The following PDZD2 variants were observed in gnomAD, a reference collection of about 807,000 sequenced individuals.
PDZD2 encodes PDZ domain-containing protein 2.
A neutral mutation model predicts 220.7 loss-of-function variants in PDZD2; 90 were observed. The observed-to-expected ratio is 0.41, with a 90% CI of 0.34 to 0.49. The LOEUF (loss-of-function observed/expected upper bound fraction) is 0.49, where lower values mean the gene tolerates loss of function less well. Ranked by LOEUF, PDZD2 falls within the 20% of genes least tolerant of loss-of-function variation. The pLI is 0.28. For missense variants in PDZD2, 3,174 were observed against 3,608.5 expected, an observed-to-expected ratio of 0.88 and a Z score of 3.08; for synonymous variants, 1,375 against 1,450.5, an observed-to-expected ratio of 0.95 and a Z score of 1.18.
intron 2 of PDZD2, among the ~76,000 whole-genome samples, chr5:31,930,388 A>G (rs1745171456): frequency 6.6e-6 from 1 of 151,464 alleles, no homozygotes; most frequent in Non-Finnish European, 1.5e-5. Context: ...GTAGAGTTTC[A>G]TGGGGTTTCA....
At chr5:32,028,687 T>TTTTTTTTTTTTTG (rs1754881283) in intron 6 of PDZD2, among the ~76,000 whole-genome samples, 1 of 138,698 alleles carries the variant, frequency 7.2e-6, no homozygotes. Flanking sequence ...TTTTTTTGTT[T>TTTTTTTTTTTTTG]TTTTTTTTTT....
intron 2 of PDZD2, among the ~76,000 whole-genome samples, chr5:31,869,476 T>C: frequency 6.6e-6 from 1 of 151,336 alleles, no homozygotes; most frequent in East Asian, 1.9e-4. Context: ...GGCAGGAGAA[T>C]GGCCGTGAAC....
intron 10 of PDZD2, among the ~76,000 whole-genome samples, chr5:32,056,778 C>A (rs1739122759): frequency 6.6e-6 from 1 of 152,088 alleles, no homozygotes; most frequent in Non-Finnish European, 1.5e-5. Flanking sequence ...TGACAGAGAA[C>A]CTGGAACTGC....
chr5:31,946,255 G>C (rs911849221), intron 2 of PDZD2, among the ~76,000 whole-genome samples: 3 of 152,160 alleles, frequency 2.0e-5, no homozygotes, highest in African/African-American at 7.2e-5. Flanking sequence ...TGCCTGCCTC[G>C]GCCTCCCAAA....
chr5:31,660,826 A>C (rs1745731923), intron 1 of PDZD2, among the ~76,000 whole-genome samples: 1 of 152,200 alleles, frequency 6.6e-6, no homozygotes, highest in Admixed American at 6.5e-5. Context: ...GAGCTCAAGC[A>C]GTCCTCCCCC....
chr5:31,899,573 G>A (rs1005915035), intron 2 of PDZD2, among the ~76,000 whole-genome samples: 1 of 152,210 alleles, frequency 6.6e-6, no homozygotes, highest in African/African-American at 2.4e-5. Flanking sequence ...TCCCATCACA[G>A]CTCTACCATG....
intron 2 of PDZD2, among the ~76,000 whole-genome samples, chr5:31,832,266 A>G (rs546798095): frequency 1.3e-5 from 2 of 150,306 alleles, no homozygotes; most frequent in Non-Finnish European, 3.0e-5. Flanking sequence ...AGGTCGGGAG[A>G]AGGGACGAAT....
At chr5:32,094,642 C>T (rs576216234) in intron 21 of PDZD2, among the ~76,000 whole-genome samples, 1 of 151,152 alleles carries the variant, frequency 6.6e-6, no homozygotes, top group East Asian at 1.9e-4. Context: ...GGAGGATCAT[C>T]TGAGGCCAGG....
chr5:31,881,368 G>A (rs62361605), intron 2 of PDZD2, among the ~76,000 whole-genome samples: 5,815 of 83,270 alleles, frequency 0.07, 444 homozygotes, highest in African/African-American at 0.24. Context: ...GTGTGTGTGT[G>A]TATATATTTT....
At chr5:32,080,334 C>T (rs1054002991) in intron 19 of PDZD2, among the ~76,000 whole-genome samples, 16 of 118,074 alleles carry the variant, frequency 1.4e-4, no homozygotes, top group Admixed American at 4.6e-4. Flanking sequence ...GGCAACAGAG[C>T]GAGACTCCAT....
intron 1 of PDZD2, among the ~76,000 whole-genome samples, chr5:31,686,249 T>C (rs968542498): frequency 2.0e-5 from 3 of 152,228 alleles, no homozygotes; most frequent in African/African-American, 7.2e-5. Flanking sequence ...CATAATACCA[T>C]TATAATACAA....
chr5:32,001,903 G>A (rs1051641861), intron 5 of PDZD2, among the ~76,000 whole-genome samples: 1 of 152,200 alleles, frequency 6.6e-6, no homozygotes, highest in Non-Finnish European at 1.5e-5. Context: ...CTGGTGAAGT[G>A]GAGCCATGAA....
At chr5:31,881,394 G>A (rs1166414545) in intron 2 of PDZD2, among the ~76,000 whole-genome samples, 7 of 140,044 alleles carry the variant, frequency 5.0e-5, no homozygotes, top group Non-Finnish European at 7.7e-5. Flanking sequence ...TTTTTGAGAT[G>A]GAGTTTTGCT....
rs763905671 is a variant in PDZD2, at chr5:32,072,205, C to T, written c.2613C>T (p.His871=). 9.3e-6 allele frequency: 15 copies of T among 1,613,184 alleles called. No homozygotes were observed. The highest frequency in any genetic ancestry group is 2.2e-5 in the South Asian group (2 of 91,060). Residue 871 remains histidine (H), a synonymous_variant, in exon 17 of 25, where the codon CAC becomes CAT. Transcript: ENST00000438447. The part of the protein sequence containing the change: ...SESELSQYFA[H]DVPGPLSDFM... ...CTGAACTCTCCCAGTACTTTGCCCA[C>T]GATGTCCCTGGCCCCTTGTCAGACT... is the stretch of plus-strand genomic sequence containing the variant.
chr5:31,718,028 T>G (rs1748555216), intron 1 of PDZD2, among the ~76,000 whole-genome samples: 1 of 152,226 alleles, frequency 6.6e-6, no homozygotes, highest in Non-Finnish European at 1.5e-5. Context: ...GGGTCTGGTT[T>G]GACAGTCCTG....
At chr5:31,645,326 T>C (rs1745094590) in intron 1 of PDZD2, among the ~76,000 whole-genome samples, 1 of 148,204 alleles carries the variant, frequency 6.7e-6, no homozygotes, top group African/African-American at 2.5e-5. Context: ...GGGGTTACTC[T>C]TGGTCTCTTT....
chr5:31,796,997 G>A (rs1754074174), intron 1 of PDZD2, among the ~76,000 whole-genome samples: 1 of 149,800 alleles, frequency 6.7e-6, no homozygotes, highest in South Asian at 2.1e-4. Flanking sequence ...GCGAGATCTC[G>A]GCTCACTGCA....
chr5:31,652,674 G>A (rs961150618), intron 1 of PDZD2, among the ~76,000 whole-genome samples: 3 of 152,184 alleles, frequency 2.0e-5, no homozygotes, highest in Non-Finnish European at 4.4e-5. Flanking sequence ...TTGTTTGGCT[G>A]TCTTCCGGAC....
In PDZD2 at chr5:32,071,377, C is replaced by T; in HGVS notation, c.2534-7C>T. The T allele has an allele frequency of 6.2e-7, 1 of 1,601,938 alleles. No individual in the cohort carries two copies. Among genetic ancestry groups the T allele is most frequent in the Non-Finnish European group, 8.6e-7 (1 of 1,168,848 alleles). ...TTTGACAATATGGTGAATTTTCCCT[C>T]CAACAGGTACCCCCTTGAAGAGTCC... On this transcript the variant is annotated splice_polypyrimidine_tract_variant and splice_region_variant and intron_variant, in intron 15 of 24. Coordinates refer to ENST00000438447, the MANE Select transcript of PDZD2 (RefSeq NM_178140.4).
Sources: allele counts gnomAD v4.1 joint callset (sites outside exome capture counted in the v4.1 genomes callset), GRCh38; gene constraint gnomAD v4.1.1; transcripts MANE v1.5; gene names NCBI Gene and HGNC (gene_info 2026-07-23, HGNC 2026-07-21).